The following FAM135B variants were observed in gnomAD, a reference collection of about 807,000 sequenced individuals.
FAM135B encodes the protein protein FAM135B.
Under a neutral mutation model 127.7 loss-of-function variants are expected in FAM135B, and 43 were observed. The observed-to-expected ratio is 0.34, with a 90% CI of 0.26 to 0.43. The LOEUF is 0.43. FAM135B is among the 20% of genes least tolerant of loss of function. The pLI, the probability that FAM135B is intolerant of heterozygous loss-of-function variation, is 1.00. For synonymous variants in FAM135B, 670 were observed against 665.1 expected (o/e 1.01, Z -0.11); for missense variants, 1,558 against 1,725.6 (o/e 0.90, Z 1.72).
chr8:138,396,211 T>A (rs1038005530), intron 1 of FAM135B, among the ~76,000 whole-genome samples: 2 of 152,156 alleles, frequency 1.3e-5, no homozygotes, highest in African/African-American at 4.8e-5. Context: ...TTTGCTGCAG[T>A]CTTCCCCACT....
At chr8:138,427,460 ATAAGT>A (rs1240688507) in intron 1 of FAM135B, among the ~76,000 whole-genome samples, 4 of 152,080 alleles carry the variant, frequency 2.6e-5, no homozygotes, top group Non-Finnish European at 4.4e-5. Context: ...ATTCAAAAAT[ATAAGT>A]TAAGTTTTCT....
intron 15 of FAM135B, chr8:138,144,483 A>G (rs1174712911): frequency 6.7e-6 from 1 of 150,018 alleles, no homozygotes; most frequent in African/African-American, 2.5e-5. Flanking sequence ...TTCAGAGCCT[A>G]TTTCCTCATC....
intron 2 of FAM135B, among the ~76,000 whole-genome samples, chr8:138,349,308 T>C (rs989943225): frequency 6.6e-6 from 1 of 152,218 alleles, no homozygotes; most frequent in African/African-American, 2.4e-5. Context: ...AGAAAGAATG[T>C]AGACTTGGAA....
chr8:138,193,086 C>T (rs59324013), intron 9 of FAM135B, among the ~76,000 whole-genome samples: 29,646 of 152,094 alleles, frequency 0.19, 3,506 homozygotes, highest in East Asian at 0.4. Flanking sequence ...CCCACCACCA[C>T]GTGACGTATA....
intron 7 of FAM135B, among the ~76,000 whole-genome samples, chr8:138,230,361 G>A (rs148603909): frequency 2.0e-5 from 3 of 152,232 alleles, no homozygotes; most frequent in East Asian, 1.9e-4. Flanking sequence ...ACTCTTTTAC[G>A]TCCAACAACC....
At chr8:138,306,310 C>G (rs1392290681) in intron 3 of FAM135B, among the ~76,000 whole-genome samples, 1 of 151,928 alleles carries the variant, frequency 6.6e-6, no homozygotes, top group Non-Finnish European at 1.5e-5. Flanking sequence ...TGGCACACAC[C>G]TGTAATCCCA....
chr8:138,249,953 C>T (rs1227489093), intron 6 of FAM135B, among the ~76,000 whole-genome samples: 2 of 152,222 alleles, frequency 1.3e-5, no homozygotes, highest in Non-Finnish European at 2.9e-5. Flanking sequence ...GTACAATATG[C>T]TAGATGCTGT....
chr8:138,187,540 T>C (rs1815693204), intron 9 of FAM135B, among the ~76,000 whole-genome samples: 1 of 152,164 alleles, frequency 6.6e-6, no homozygotes, highest in Admixed American at 6.5e-5. Context: ...CTTAAGGTGG[T>C]GTGTAAGTTT....
At chr8:138,476,415 G>A (rs1303607663) in intron 1 of FAM135B, among the ~76,000 whole-genome samples, 1 of 151,792 alleles carries the variant, frequency 6.6e-6, no homozygotes, top group African/African-American at 2.4e-5. Flanking sequence ...AATGGACCAC[G>A]GTGAGGTGGA....
At chr8:138,445,751 G>A (rs1279614287) in intron 1 of FAM135B, among the ~76,000 whole-genome samples, 1 of 152,138 alleles carries the variant, frequency 6.6e-6, no homozygotes, top group African/African-American at 2.4e-5. Flanking sequence ...CACAAGACAG[G>A]GATGCCCTCT....
In FAM135B at chr8:138,141,796, T is replaced by C. The variant is rs16908342; in HGVS notation, c.3639-447A>G. On this transcript the variant is annotated intron_variant, in intron 16 of 19. Coordinates refer to ENST00000395297, the MANE Select transcript of FAM135B (RefSeq NM_015912.4). The surrounding 1 kb of genome is among the most constrained non-coding windows in gnomAD (Gnocchi z 4.7). ...TCCTCTCCTTCACCCGCTGTGTATA[T>C]ATTGAACCACCTGCTCACAGCCCAT... 0.11 allele frequency among the ~76,000 whole-genome samples: 16,066 copies of C among 152,236 alleles called. 900 individuals are homozygous for C. The highest frequency in any genetic ancestry group is 0.17 in the Middle Eastern group (50 of 294).
chr8:138,285,708 C>A (rs2130768521), intron 3 of FAM135B, among the ~76,000 whole-genome samples: 1 of 152,282 alleles, frequency 6.6e-6, no homozygotes, highest in African/African-American at 2.4e-5. Context: ...TAAACAAGAG[C>A]ATTAATTTCC....
chr8:138,146,756 T>C (rs1384506677), intron 14 of FAM135B, among the ~76,000 whole-genome samples: 19 of 152,224 alleles, frequency 1.2e-4, no homozygotes, highest in African/African-American at 2.4e-5. Flanking sequence ...TAGTGAGGCA[T>C]AAATTTAATG....
intron 1 of FAM135B, among the ~76,000 whole-genome samples, chr8:138,482,840 T>C (rs1374066595): frequency 6.6e-6 from 1 of 152,126 alleles, no homozygotes; most frequent in Non-Finnish European, 1.5e-5. Flanking sequence ...TTTTACATTT[T>C]CACCATGGAG....
chr8:138,427,948 C>T (rs1834989403), intron 1 of FAM135B, among the ~76,000 whole-genome samples: 1 of 152,100 alleles, frequency 6.6e-6, no homozygotes, highest in Non-Finnish European at 1.5e-5. Context: ...ATCCACCAAC[C>T]TGTGCAAAGC....
At chr8:138,370,878 T>C (rs1831069491) in intron 1 of FAM135B, among the ~76,000 whole-genome samples, 1 of 152,170 alleles carries the variant, frequency 6.6e-6, no homozygotes, top group Admixed American at 6.6e-5. Context: ...ATCTGAAGAT[T>C]AGTGGGAAGC....
At chr8:138,374,231 G>A (rs576038138) in intron 1 of FAM135B, among the ~76,000 whole-genome samples, 1 of 152,270 alleles carries the variant, frequency 6.6e-6, no homozygotes, top group East Asian at 1.9e-4. Flanking sequence ...AAATAGAAAA[G>A]AACCTACGTG....
intron 11 of FAM135B, among the ~76,000 whole-genome samples, chr8:138,174,878 T>C (rs994139411): frequency 2.6e-5 from 4 of 152,222 alleles, no homozygotes; most frequent in Non-Finnish European, 4.4e-5. Flanking sequence ...TATGTACTTG[T>C]AGGCCTTCCA....
At chr8:138,251,036 T>A (rs759803805) in intron 5 of FAM135B, 22 bp from the exon 6 acceptor site, 8 of 1,612,892 alleles carry the variant, frequency 5.0e-6, no homozygotes, top group Non-Finnish European at 6.8e-6. Flanking sequence ...GCATGTGAGC[T>A]CACGTGAGAA....
Sources: allele counts gnomAD v4.1 joint callset (sites outside exome capture counted in the v4.1 genomes callset), GRCh38; gene constraint gnomAD v4.1.1; non-coding constraint Gnocchi (gnomAD v3.1); transcripts MANE v1.5; gene names NCBI Gene and HGNC (gene_info 2026-07-23, HGNC 2026-07-21).